Variants in VWDE observed in about 807,000 individuals in gnomAD.
VWDE encodes the protein von Willebrand factor D and EGF domains.
Under a neutral mutation model 178.4 loss-of-function variants are expected in VWDE, and 207 were observed. The ratio of observed to expected loss-of-function variants is 1.16; its 90% CI spans 1.04 to 1.30. The LOEUF (loss-of-function observed/expected upper bound fraction) is 1.30, where lower values mean the gene tolerates loss of function less well. Among genes scored for constraint, VWDE ranks in the 50% most tolerant of loss-of-function variants. VWDE has a pLI of 0.00. For missense variants in VWDE, 2,287 were observed against 1,901.3 expected, an observed-to-expected ratio of 1.20 and a Z score of -3.77; for synonymous variants, 738 against 651.4, an observed-to-expected ratio of 1.13 and a Z score of -2.02.
At position 12,403,833 on chromosome 7, in the gene VWDE, G is replaced by T; in HGVS notation, c.-117C>A. On this transcript the variant is annotated 5_prime_UTR_variant, in exon 1 of 29. Coordinates refer to ENST00000275358, the MANE Select transcript of VWDE (RefSeq NM_001135924.3). ...TCTTGGATTTTCTCAGTCTGTTGCT[G>T]CTTGGAACAGGGAAGCTCCGCGTCC... The T allele has an allele frequency of 1.8e-6, 2 of 1,125,066 alleles. No individual in the cohort carries two copies. Among genetic ancestry groups the T allele is most frequent in the South Asian group, 1.5e-5 (1 of 67,948 alleles). 69.7% of individuals were successfully genotyped at this position (1,125,066 alleles called of 1,614,324 possible). A position where few individuals can be genotyped will look rare whatever the true frequency, so the allele number is the denominator to read the frequency against.
At chr7:12,331,744 G>A (rs1312097433) in intron 28 of VWDE, among the ~76,000 whole-genome samples, 2 of 152,046 alleles carry the variant, frequency 1.3e-5, no homozygotes, top group Non-Finnish European at 2.9e-5. Flanking sequence ...GAGACTGAGG[G>A]GGTTAAACTT....
chr7:12,370,155 A>G lies in VWDE; in HGVS notation c.2151T>C (p.Asn717=). 1 of 1,551,296 alleles carries G rather than the reference A, an allele frequency of 6.4e-7. No individual in the cohort carries two copies. Among genetic ancestry groups the G allele is most frequent in the Non-Finnish European group, 8.7e-7 (1 of 1,146,838 alleles). ...AATATTGTAGTGAATCTTCTTTCTC[A>G]TTTCCAGGATGTTTTTGTACATTTA... ...LGLNVQKHPG[N]EKEDSLQYLA... Residue 717 remains asparagine, a synonymous_variant, in exon 12 of 29, where the codon AAT becomes AAC. Transcript: ENST00000275358.
Position 12,375,145 on chromosome 7 carries a change from G to T in VWDE, c.1107C>A (p.Thr369=). The T allele has an allele frequency of 4.5e-6, 7 of 1,551,256 alleles. No homozygotes were observed. The highest frequency in any genetic ancestry group is 6.1e-6 in the Non-Finnish European group (7 of 1,146,666). The change falls in exon 8 of 29, where the codon ACC becomes ACA. Residue 369 remains threonine (T), a synonymous_variant. Coordinates refer to ENST00000275358, the MANE Select transcript of VWDE (RefSeq NM_001135924.3). ...LLQTSSCANG[T]CSHTFVYYTA... ...TGTAGTACACAAAAGTGTGGCTACA[G>T]GTTCCATTAGCACAGGAAGATGTCT... is the stretch of plus-strand genomic sequence containing the variant.
chr7:12,385,413 C>T (rs540916223), intron 3 of VWDE, among the ~76,000 whole-genome samples: 4 of 152,242 alleles, frequency 2.6e-5, no homozygotes, highest in East Asian at 1.9e-4. Flanking sequence ...GATAAGAAGG[C>T]TTTTTCCAAA....
chr7:12,375,581 C>G (rs1480915928), intron 7 of VWDE, among the ~76,000 whole-genome samples: 1 of 151,764 alleles, frequency 6.6e-6, no homozygotes, highest in Non-Finnish European at 1.5e-5. Flanking sequence ...TATATACTAA[C>G]ATGATTTTTT....
intron 4 of VWDE, 51 bp downstream of exon 4, chr7:12,383,485 A>G (rs910995334): frequency 3.0e-6 from 4 of 1,349,258 alleles, no homozygotes; most frequent in Non-Finnish European, 4.1e-6. Context: ...TATCTGTTGA[A>G]ATAGTCTAGT....
intron 2 of VWDE, among the ~76,000 whole-genome samples, chr7:12,393,195 T>C (rs1024013723): frequency 5.3e-5 from 8 of 152,166 alleles, no homozygotes; most frequent in Non-Finnish European, 8.8e-5. Flanking sequence ...TATTTTACTA[T>C]TTGCAGGTAA....
intron 13 of VWDE, 73 bp from the exon 14 acceptor site, chr7:12,361,594 T>A: frequency 7.3e-7 from 1 of 1,365,284 alleles, no homozygotes. Flanking sequence ...TTACATATAA[T>A]GAAAACATAA....
chr7:12,384,202 G>A (rs1396404955), intron 3 of VWDE, among the ~76,000 whole-genome samples: 3 of 152,072 alleles, frequency 2.0e-5, no homozygotes, highest in African/African-American at 4.8e-5. Context: ...GCCACAAAAA[G>A]ACATGTAGGA....
intron 2 of VWDE, 88 bp from the exon 3 acceptor site, chr7:12,389,446 G>A: frequency 1.1e-6 from 1 of 935,038 alleles, no homozygotes; most frequent in Non-Finnish European, 1.6e-6. Flanking sequence ...TTCTAATCAA[G>A]CCTTAAAATA....
intron 1 of VWDE, among the ~76,000 whole-genome samples, chr7:12,396,256 A>T (rs1784617609): frequency 6.6e-6 from 1 of 152,172 alleles, no homozygotes; most frequent in Non-Finnish European, 1.5e-5. Context: ...TTTCCAGTTT[A>T]ATGTAATGAC....
Position 12,397,056 on chromosome 7 carries a change from G to GA in VWDE, c.59-3279dup, listed in dbSNP as rs954380602. ...ACCAATGTTGTTTTTTACAAAATTA[G>GA]AAAAAAAAAACTATTCTAAAATTCA... On this transcript the variant is annotated intron_variant, in intron 1 of 28. Transcript: ENST00000275358. 7.4e-3 allele frequency among the ~76,000 whole-genome samples: 1,092 copies of GA among 146,900 alleles called. 12 individuals carry two copies. Among genetic ancestry groups the GA allele is most frequent in the African/African-American group, 0.023 (923 of 40,300 alleles).
At chr7:12,347,786 A>T (rs924174893) in intron 19 of VWDE, among the ~76,000 whole-genome samples, 1 of 152,014 alleles carries the variant, frequency 6.6e-6, no homozygotes, top group South Asian at 2.1e-4. Context: ...AGCCAAAAGA[A>T]CAAAGCTGGA....
Position 12,403,649 on chromosome 7 carries a change from C to G in VWDE, c.58+10G>C, listed in dbSNP as rs975673739. ...TGCGCGCCCACCCCCGCGCGCCCTA[C>G]CTCGCTTACCTTCCCCCCAGGCCAG... On this transcript the variant is annotated intron_variant, in intron 1 of 28. Coordinates refer to ENST00000275358, the MANE Select transcript of VWDE (RefSeq NM_001135924.3). 1.3e-5 allele frequency: 20 copies of G among 1,540,662 alleles called. No homozygotes were observed. Among genetic ancestry groups the G allele is most frequent in the Non-Finnish European group, 1.5e-5 (17 of 1,144,958 alleles).
At chr7:12,361,283 TTGTTCTAAA>T (rs1184096028) in intron 14 of VWDE, 32 bp from the exon 15 acceptor site, 2 of 1,535,206 alleles carry the variant, frequency 1.3e-6, no homozygotes, top group Admixed American at 2.0e-5. Flanking sequence ...ATAAGATGAT[TTGTTCTAAA>T]TGTTCTAAAT....
In VWDE at chr7:12,355,633, C is replaced by T. The variant is rs1036377688; in HGVS notation, c.3745+478G>A. 3.3e-5 allele frequency among the ~76,000 whole-genome samples: 5 copies of T among 151,878 alleles called. No individual in the cohort carries two copies. In the South Asian group the frequency reaches 8.3e-4, roughly 25 times the overall value. On this transcript the variant is annotated intron_variant, in intron 18 of 28. Transcript: ENST00000275358. ...AGGTTGGCAGTCATATATTTATTTC[C>T]GTAATCACACATTTTAGGGCAATTA...
chr7:12,394,717 A>T (rs1305277915), intron 1 of VWDE, among the ~76,000 whole-genome samples: 2 of 152,162 alleles, frequency 1.3e-5, no homozygotes, highest in African/African-American at 2.4e-5. Context: ...TCAAATACTT[A>T]TATTATATTT....
chr7:12,365,557 G>A (rs565346350), intron 13 of VWDE, among the ~76,000 whole-genome samples: 3 of 152,204 alleles, frequency 2.0e-5, no homozygotes, highest in African/African-American at 4.8e-5. Context: ...AGCAGGAATC[G>A]ATTCACGTTG....
rs139649939 is a variant in VWDE at position 12,351,796 on chromosome 7, C to T, written c.3746-83G>A. On this transcript the variant is annotated intron_variant, in intron 18 of 28. Transcript: ENST00000275358. The stretch of plus-strand genomic sequence containing the variant: ...CACAAATAAGAATATACAATACAAA[C>T]GCCACTTGGATTAAACTCTGCAAAT... 410 of 1,226,960 alleles carry T rather than the reference C, an allele frequency of 3.3e-4. 1 individual carries two copies. In the East Asian group the frequency reaches 6.8e-3, roughly 20 times the overall value. 76.0% of individuals were successfully genotyped at this position (1,226,960 alleles called of 1,614,324 possible).
Sources: gnomAD v4.1 joint callset for allele counts (sites outside exome capture counted in the v4.1 genomes callset) on GRCh38, gnomAD v4.1.1 for gene constraint, MANE v1.5 for transcripts, NCBI Gene and HGNC (gene_info 2026-07-23, HGNC 2026-07-21) for gene names.